The following GRHL2 variants were observed in gnomAD, a reference collection of about 807,000 sequenced individuals.
GRHL2 encodes grainyhead-like protein 2 homolog.
GRHL2 carries 21 observed loss-of-function variants against 83.8 expected under a neutral mutation model. The observed-to-expected ratio is 0.25, with a 90% CI of 0.18 to 0.36. The LOEUF (loss-of-function observed/expected upper bound fraction) is 0.36. GRHL2 is among the 10% of genes least tolerant of loss of function. The pLI is 1.00. For missense variants in GRHL2, 623 were observed against 781.8 expected (o/e 0.80, Z 2.42); for synonymous variants, 280 against 278.9 (o/e 1.00, Z -0.04).
At chr8:101,665,648 T>C (rs1347374985) in intron 15 of GRHL2, among the ~76,000 whole-genome samples, 1 of 152,234 alleles carries the variant, frequency 6.6e-6, no homozygotes, top group Non-Finnish European at 1.5e-5. Flanking sequence ...GATAACATTT[T>C]GCTTTCATCA....
At chr8:101,562,143 T>G in intron 4 of GRHL2, 6 of 643,724 alleles carry the variant, frequency 9.3e-6, no homozygotes, top group Non-Finnish European at 1.8e-5. Context: ...TTGTAGCTCT[T>G]TATTTTTCTT....
chr8:101,617,321 T>C (rs996618462), intron 8 of GRHL2, among the ~76,000 whole-genome samples: 3 of 152,088 alleles, frequency 2.0e-5, no homozygotes, highest in African/African-American at 7.2e-5. Context: ...TTGGTGTGGA[T>C]GTGGTACCCC....
intron 14 of GRHL2, among the ~76,000 whole-genome samples, chr8:101,656,765 G>A (rs1563629794): frequency 6.6e-6 from 1 of 152,210 alleles, no homozygotes; most frequent in Non-Finnish European, 1.5e-5. Flanking sequence ...AAATGAGTGT[G>A]TATACATGGT....
chr8:101,570,930 A>G (rs568058375), intron 5 of GRHL2, among the ~76,000 whole-genome samples: 25 of 152,294 alleles, frequency 1.6e-4, no homozygotes, highest in African/African-American at 6.0e-4. Flanking sequence ...ATTGCAATAC[A>G]TTGGATCTCC....
chr8:101,504,518 G>T (rs548380865), intron 1 of GRHL2, among the ~76,000 whole-genome samples: 2 of 152,116 alleles, frequency 1.3e-5, no homozygotes, highest in Non-Finnish European at 2.9e-5. Flanking sequence ...CTCAGACCCC[G>T]CCTGAATGTT....
intron 6 of GRHL2, among the ~76,000 whole-genome samples, chr8:101,575,634 G>A (rs771358079): frequency 6.6e-6 from 1 of 152,078 alleles, no homozygotes; most frequent in Admixed American, 6.5e-5. Context: ...TTCAAACTGC[G>A]TTTTCCTTTA....
chr8:101,632,433 C>G, intron 11 of GRHL2, 68 bp downstream of exon 11: 2 of 1,575,886 alleles, frequency 1.3e-6, no homozygotes, highest in Non-Finnish European at 1.7e-6. Flanking sequence ...AAGATAGAAG[C>G]ATTTCAGACA....
chr8:101,543,184 G>C lies in GRHL2; in HGVS notation c.21-57G>C, dbSNP rs890388714. On this transcript the variant is annotated intron_variant, in intron 1 of 15. Transcript: ENST00000646743. The stretch of plus-strand genomic sequence containing the variant: ...TAGTCATGTAATATGTATATTATTA[G>C]GGGTAAAAAATTTGCTCTCTCTGAA... 22 of 1,218,020 alleles carry C rather than the reference G, an allele frequency of 1.8e-5. No homozygotes were observed. The African/African-American group carries it at 2.1e-4, about 12-fold the overall frequency. 75.5% of individuals were successfully genotyped at this position (1,218,020 alleles called of 1,614,324 possible). A position where few individuals can be genotyped will look rare whatever the true frequency, so the allele number is the denominator to read the frequency against.
intron 7 of GRHL2, among the ~76,000 whole-genome samples, chr8:101,582,359 T>G (rs952309363): frequency 3.3e-5 from 5 of 152,204 alleles, no homozygotes; most frequent in African/African-American, 1.2e-4. Context: ...TTTGTTGATT[T>G]GACCCATGCA....
intron 10 of GRHL2, 128 bp from the exon 11 acceptor site, chr8:101,632,098 G>A: frequency 2.0e-6 from 2 of 995,910 alleles, no homozygotes; most frequent in Non-Finnish European, 3.2e-6. Flanking sequence ...GGGAGGTGTT[G>A]AAGTGTGTTC....
chr8:101,636,806 A>G, intron 11 of GRHL2, 91 bp from the exon 12 acceptor site: 1 of 1,088,242 alleles, frequency 9.2e-7, no homozygotes. Context: ...TTTAAGAGAC[A>G]GTTTATGCCT....
chr8:101,587,278 G>A (rs945454610), intron 7 of GRHL2, among the ~76,000 whole-genome samples: 1 of 152,186 alleles, frequency 6.6e-6, no homozygotes, highest in Non-Finnish European at 1.5e-5. Context: ...CAGTTAACCA[G>A]AAGGAATGTT....
At chr8:101,605,642 T>C (rs975348435) in intron 8 of GRHL2, among the ~76,000 whole-genome samples, 2 of 152,190 alleles carry the variant, frequency 1.3e-5, no homozygotes, top group Non-Finnish European at 2.9e-5. Flanking sequence ...TAGGGCTCTC[T>C]CTATCCACGT....
chr8:101,565,637 C>T (rs896535810), intron 4 of GRHL2, among the ~76,000 whole-genome samples: 2 of 152,178 alleles, frequency 1.3e-5, no homozygotes, highest in Non-Finnish European at 2.9e-5. Context: ...ACTTTACTGA[C>T]TTTAGTCATA....
At chr8:101,504,898 G>T (rs1810305307) in intron 1 of GRHL2, among the ~76,000 whole-genome samples, 1 of 149,028 alleles carries the variant, frequency 6.7e-6, no homozygotes, top group Non-Finnish European at 1.5e-5. Flanking sequence ...CCACAGCAGG[G>T]AACAAAAAGT....
chr8:101,664,162 G>C (rs1343687369), intron 14 of GRHL2, among the ~76,000 whole-genome samples: 1 of 152,146 alleles, frequency 6.6e-6, no homozygotes, highest in Non-Finnish European at 1.5e-5. Context: ...TTTTTTTCTA[G>C]ATGGCTACTA....
At chr8:101,556,137 A>G (rs1811484544) in intron 3 of GRHL2, among the ~76,000 whole-genome samples, 1 of 152,122 alleles carries the variant, frequency 6.6e-6, no homozygotes, top group African/African-American at 2.4e-5. Context: ...TTGTATTTTT[A>G]GTAGAGATGG....
At chr8:101,569,212 C>T (rs1811774375) in intron 4 of GRHL2, among the ~76,000 whole-genome samples, 1 of 152,264 alleles carries the variant, frequency 6.6e-6, no homozygotes, top group African/African-American at 2.4e-5. Context: ...TGGTCGTCTA[C>T]TTTTGAAAAG....
chr8:101,564,006 G>A (rs1028222352), intron 4 of GRHL2, among the ~76,000 whole-genome samples: 5 of 152,196 alleles, frequency 3.3e-5, no homozygotes, highest in African/African-American at 1.2e-4. Flanking sequence ...TGTGTTATCA[G>A]TTATGTTTGT....
Sources: allele counts gnomAD v4.1 joint callset (sites outside exome capture counted in the v4.1 genomes callset), GRCh38; gene constraint gnomAD v4.1.1; transcripts MANE v1.5; gene names NCBI Gene and HGNC (gene_info 2026-07-23, HGNC 2026-07-21).